The following EPHA6 variants were observed in gnomAD, a reference collection of about 807,000 sequenced individuals.
The protein encoded by EPHA6 is ephrin type-A receptor 6.
EPHA6 carries 50 observed loss-of-function variants against 112.0 expected under a neutral mutation model. The observed-to-expected ratio is 0.45, with a 90% CI of 0.36 to 0.56. The LOEUF is 0.56. EPHA6 is among the 20% of genes least tolerant of loss of function. The pLI is 0.00. For synonymous variants in EPHA6, 529 were observed against 490.7 expected, an observed-to-expected ratio of 1.08 and a Z score of -1.03; for missense variants, 1,280 against 1,417.4, an observed-to-expected ratio of 0.90 and a Z score of 1.56.
intron 14 of EPHA6, among the ~76,000 whole-genome samples, chr3:97,696,622 G>GATTCTTCTGGCACAGAAGAATGT (rs1337366475): frequency 5.9e-5 from 9 of 152,124 alleles, no homozygotes; most frequent in Non-Finnish European, 7.3e-5. Context: ...ACAGAAAATA[G>GATTCTTCTGGCACAGAAGAATGT]ATTCTTCTGG....
chr3:96,891,960 A>G (rs2037988223), intron 2 of EPHA6, among the ~76,000 whole-genome samples: 1 of 152,190 alleles, frequency 6.6e-6, no homozygotes, highest in African/African-American at 2.4e-5. Context: ...TGTCAGTTGA[A>G]CAGGTTACAT....
At chr3:96,871,915 C>A (rs184858132) in intron 2 of EPHA6, among the ~76,000 whole-genome samples, 101 of 152,006 alleles carry the variant, frequency 6.6e-4, no homozygotes, top group Non-Finnish European at 1.1e-3. Context: ...GTGGTAACGG[C>A]CTCTTAAAAG....
chr3:97,006,178 T>G (rs1201799844), intron 3 of EPHA6, among the ~76,000 whole-genome samples: 1 of 152,224 alleles, frequency 6.6e-6, no homozygotes, highest in Non-Finnish European at 1.5e-5. Flanking sequence ...TTTGGAATAA[T>G]TTCAGAAGGA....
At chr3:96,931,367 A>T (rs1286419171) in intron 2 of EPHA6, among the ~76,000 whole-genome samples, 1 of 152,152 alleles carries the variant, frequency 6.6e-6, no homozygotes, top group Non-Finnish European at 1.5e-5. Flanking sequence ...GACTCTCAAA[A>T]GCCAGCAGGC....
chr3:97,380,595 T>C (rs142803469), intron 5 of EPHA6, among the ~76,000 whole-genome samples: 5,209 of 152,232 alleles, frequency 0.034, 126 homozygotes, highest in Middle Eastern at 0.082. Flanking sequence ...AGATATACAA[T>C]GGATACCCAT....
intron 2 of EPHA6, among the ~76,000 whole-genome samples, chr3:96,875,576 A>G (rs2036896110): frequency 6.6e-6 from 1 of 152,106 alleles, no homozygotes. Flanking sequence ...TCAGATGTGA[A>G]GTATTTATTG....
At chr3:97,404,539 T>A (rs1435899922) in intron 5 of EPHA6, among the ~76,000 whole-genome samples, 3 of 152,162 alleles carry the variant, frequency 2.0e-5, no homozygotes, top group African/African-American at 4.8e-5. Context: ...CAGATTATTT[T>A]AATTTAGAAT....
chr3:97,294,508 G>C (rs2080807955), intron 5 of EPHA6, among the ~76,000 whole-genome samples: 1 of 152,034 alleles, frequency 6.6e-6, no homozygotes, highest in Non-Finnish European at 1.5e-5. Flanking sequence ...AATTTAATCT[G>C]TTTACATTTA....
intron 12 of EPHA6, among the ~76,000 whole-genome samples, chr3:97,596,244 T>C (rs1373227238): frequency 2.0e-5 from 3 of 152,178 alleles, no homozygotes; most frequent in African/African-American, 7.2e-5. Context: ...CTTGCTCTCT[T>C]TGCTCCATGT....
At position 97,403,516 on chromosome 3, in the gene EPHA6, C is replaced by T. The variant is rs142886689; in HGVS notation, c.1607-1634C>T. Reference sequence around the variant, plus strand: ...GGCTGGAATGCAGTGGCACTCTCTCCGCTCACTGCAAACTCCGCCTCCCGG... The same window carrying T: ...GGCTGGAATGCAGTGGCACTCTCTCTGCTCACTGCAAACTCCGCCTCCCGG... On this transcript the variant is annotated intron_variant, in intron 5 of 17. Transcript: ENST00000389672. Among the ~76,000 whole-genome samples the T allele has an allele frequency of 3.8e-3, 582 of 152,234 alleles. 2 individuals carry two copies. Among genetic ancestry groups the T allele is most frequent in the Middle Eastern group, 0.014 (4 of 294 alleles).
At chr3:96,894,907 CT>C (rs2038180447) in intron 2 of EPHA6, among the ~76,000 whole-genome samples, 1 of 152,136 alleles carries the variant, frequency 6.6e-6, no homozygotes, top group Admixed American at 6.5e-5. Context: ...CCTCAACAAG[CT>C]TCCTAAAAAT....
At position 96,864,509 on chromosome 3, in the gene EPHA6, G is replaced by T. The variant is rs368200190; in HGVS notation, c.386-2316G>T. Among the ~76,000 whole-genome samples the T allele has an allele frequency of 9.2e-5, 14 of 152,186 alleles. 1 individual carries two copies. In the East Asian group the frequency reaches 2.3e-3, roughly 25 times the overall value. ...TGGAAAAGACAAAGCTACAGGGAAA[G>T]AAATCAGATTAGTGGTTACCAGAGG... On this transcript the variant is annotated intron_variant, in intron 1 of 17. Transcript: ENST00000389672.
chr3:97,123,678 G>A (rs1356381882), intron 3 of EPHA6, among the ~76,000 whole-genome samples: 2 of 152,110 alleles, frequency 1.3e-5, no homozygotes, highest in Non-Finnish European at 1.5e-5. Flanking sequence ...TCAATAGACC[G>A]TTGTGGATTA....
chr3:96,973,708 C>T (rs2042403087), intron 2 of EPHA6, among the ~76,000 whole-genome samples: 1 of 151,014 alleles, frequency 6.6e-6, no homozygotes, highest in Non-Finnish European at 1.5e-5. Flanking sequence ...TACCTGTAAT[C>T]CCAGCTACTT....
intron 15 of EPHA6, among the ~76,000 whole-genome samples, chr3:97,725,110 A>G (rs2034701902): frequency 6.6e-6 from 1 of 152,108 alleles, no homozygotes; most frequent in African/African-American, 2.4e-5. Context: ...CTCAATCCAG[A>G]GGCTCGTGCA....
intron 5 of EPHA6, among the ~76,000 whole-genome samples, chr3:97,340,343 A>G (rs1358012082): frequency 6.6e-6 from 1 of 152,204 alleles, no homozygotes; most frequent in East Asian, 1.9e-4. Context: ...AATCTGACTA[A>G]GAAGTGACAG....
intron 3 of EPHA6, among the ~76,000 whole-genome samples, chr3:96,998,402 T>A (rs962278886): frequency 6.6e-6 from 1 of 151,984 alleles, no homozygotes; most frequent in African/African-American, 2.4e-5. Context: ...TCTTTTGGGT[T>A]CAAAAGTATG....
At chr3:97,333,787 A>C (rs186901790) in intron 5 of EPHA6, among the ~76,000 whole-genome samples, 14 of 151,968 alleles carry the variant, frequency 9.2e-5, no homozygotes, top group Non-Finnish European at 1.9e-4. Flanking sequence ...CCCACTCTCT[A>C]TGTTTTTACC....
chr3:97,082,935 T>C (rs1344279039), intron 3 of EPHA6, among the ~76,000 whole-genome samples: 1 of 151,662 alleles, frequency 6.6e-6, no homozygotes, highest in Non-Finnish European at 1.5e-5. Context: ...TAGCCTCACT[T>C]TTTTTTCTCA....
Sources: allele counts gnomAD v4.1 joint callset (sites outside exome capture counted in the v4.1 genomes callset), GRCh38; gene constraint gnomAD v4.1.1; transcripts MANE v1.5; gene names NCBI Gene and HGNC (gene_info 2026-07-23, HGNC 2026-07-21).